CTNNA2: variants seen among roughly 807,000 people sequenced by gnomAD.
The protein encoded by CTNNA2 is catenin alpha-2.
Under a neutral mutation model 101.0 loss-of-function variants are expected in CTNNA2, and 42 were observed. The observed-to-expected ratio is 0.42, with a 90% confidence interval of 0.32 to 0.54. CTNNA2 has a LOEUF of 0.54. CTNNA2 is among the 20% of genes least tolerant of loss of function. The pLI is 0.14. For missense variants in CTNNA2, 871 were observed against 1,223.1 expected, an observed-to-expected ratio of 0.71 and a Z score of 4.29; for synonymous variants, 450 against 456.4, an observed-to-expected ratio of 0.99 and a Z score of 0.18.
chr2:80,429,342 G>A (rs1681277990), intron 9 of CTNNA2, among the ~76,000 whole-genome samples: 1 of 152,134 alleles, frequency 6.6e-6, no homozygotes, highest in Non-Finnish European at 1.5e-5. Context: ...TTACAGATGA[G>A]AAACCTGAGG....
At chr2:79,855,179 A>G (rs58506691) in intron 3 of CTNNA2, among the ~76,000 whole-genome samples, 7,061 of 152,140 alleles carry the variant, frequency 0.046, 303 homozygotes, top group East Asian at 0.14. Flanking sequence ...GGCATTTTCT[A>G]ATGTGGGTCT....
intron 7 of CTNNA2, among the ~76,000 whole-genome samples, chr2:79,911,932 A>G (rs1459766541): frequency 6.6e-6 from 1 of 152,234 alleles, no homozygotes; most frequent in African/African-American, 2.4e-5. Flanking sequence ...TTATTTTGAT[A>G]TAGCATGTAT....
chr2:80,236,626 A>G (rs1709565071), intron 7 of CTNNA2, among the ~76,000 whole-genome samples: 1 of 152,256 alleles, frequency 6.6e-6, no homozygotes, highest in African/African-American at 2.4e-5. Context: ...AAATGGATTC[A>G]GTGAACAACT....
At chr2:80,255,285 A>G (rs888454095) in intron 7 of CTNNA2, among the ~76,000 whole-genome samples, 2 of 152,160 alleles carry the variant, frequency 1.3e-5, no homozygotes, top group African/African-American at 4.8e-5. Flanking sequence ...TAAGAACAGA[A>G]CGTGTGATTA....
intron 7 of CTNNA2, among the ~76,000 whole-genome samples, chr2:80,157,548 T>G (rs1369641258): frequency 1.3e-5 from 2 of 152,144 alleles, no homozygotes; most frequent in Non-Finnish European, 1.5e-5. Context: ...CATTTTTTTG[T>G]TTATCAAAAC....
chr2:80,282,259 GTTAT>G (rs1674440887), intron 7 of CTNNA2, among the ~76,000 whole-genome samples: 2 of 149,764 alleles, frequency 1.3e-5, no homozygotes. Context: ...TTATTTAAAT[GTTAT>G]TTATTTGCTG....
chr2:80,109,694 G>C (rs946710861), intron 7 of CTNNA2, among the ~76,000 whole-genome samples: 2 of 152,144 alleles, frequency 1.3e-5, no homozygotes, highest in African/African-American at 4.8e-5. Context: ...TGTATGTCAA[G>C]TTTTTCTGTG....
chr2:80,494,202 G>A (rs935564546), intron 9 of CTNNA2, among the ~76,000 whole-genome samples: 2 of 152,158 alleles, frequency 1.3e-5, no homozygotes, highest in Non-Finnish European at 2.9e-5. Context: ...CATAAGGAGT[G>A]TATTTTGGAA....
chr2:79,609,772 T>C (rs1366556932), intron 1 of CTNNA2, among the ~76,000 whole-genome samples: 1 of 152,128 alleles, frequency 6.6e-6, no homozygotes, highest in East Asian at 1.9e-4. Context: ...CTTCAATCCA[T>C]AACTTACATC....
At chr2:79,927,286 A>G (rs765429111) in intron 7 of CTNNA2, among the ~76,000 whole-genome samples, 1 of 152,186 alleles carries the variant, frequency 6.6e-6, no homozygotes, top group South Asian at 2.1e-4. Context: ...TGGTGTTATC[A>G]TGATCATATT....
At chr2:79,587,123 T>C (rs1057220152) in intron 1 of CTNNA2, among the ~76,000 whole-genome samples, 2 of 152,208 alleles carry the variant, frequency 1.3e-5, no homozygotes, top group African/African-American at 4.8e-5. Context: ...TGTGCTGCTA[T>C]AAACGTGTGT....
At chr2:80,496,771 TTGAATTTATAATCG>T (rs1687509454) in intron 9 of CTNNA2, among the ~76,000 whole-genome samples, 1 of 152,236 alleles carries the variant, frequency 6.6e-6, no homozygotes, top group Admixed American at 6.5e-5. Context: ...GCTCAAACAA[TTGAATTTATAATCG>T]TTGCATTCAT....
intron 1 of CTNNA2, among the ~76,000 whole-genome samples, chr2:79,549,309 A>G (rs1302273078): frequency 6.6e-6 from 1 of 152,224 alleles, no homozygotes; most frequent in Admixed American, 6.5e-5. Context: ...CTCTTAGCAC[A>G]TGGGTCGGGG....
intron 4 of CTNNA2, among the ~76,000 whole-genome samples, chr2:79,499,823 C>A (rs1021619351): frequency 2.0e-5 from 3 of 152,154 alleles, no homozygotes; most frequent in Non-Finnish European, 4.4e-5. Context: ...GAAACAGAAC[C>A]AATATGATTT....
chr2:80,648,760 AAT>A lies in CTNNA2; in HGVS notation c.*890_*891del, dbSNP rs568712531. ...CCATTGTATTCACTAACTAACTCAAAATAAACACATTTAATCTTGACATCTCA... is the reference window on the plus strand; with the variant it reads ...CCATTGTATTCACTAACTAACTCAAAAAACACATTTAATCTTGACATCTCA... On this transcript the variant is annotated 3_prime_UTR_variant, in exon 19 of 19. Coordinates refer to ENST00000402739, the MANE Select transcript of CTNNA2 (RefSeq NM_001282597.3). 5.3e-5 allele frequency: 8 copies of A among 152,180 alleles called. No homozygotes were observed. Among genetic ancestry groups the A allele is most frequent in the Non-Finnish European group, 1.0e-4 (7 of 67,990 alleles). The allele number at this position is 152,180 out of a possible 1,614,324, so 9.4% of individuals were successfully genotyped here. A position where few individuals can be genotyped will look rare whatever the true frequency, so the allele number is the denominator to read the frequency against.
intron 17 of CTNNA2, chr2:80,616,318 A>G (rs928256207): frequency 1.3e-5 from 2 of 151,686 alleles, no homozygotes; most frequent in African/African-American, 4.8e-5. Flanking sequence ...AGAACTTCCA[A>G]TTTGAATCTG....
At chr2:80,446,356 A>G (rs904325527) in intron 9 of CTNNA2, among the ~76,000 whole-genome samples, 6 of 152,234 alleles carry the variant, frequency 3.9e-5, no homozygotes, top group Middle Eastern at 3.2e-3. Context: ...TACCACACAT[A>G]GAAACACACT....
intron 18 of CTNNA2, among the ~76,000 whole-genome samples, chr2:80,640,304 C>T (rs1400016584): frequency 6.6e-6 from 1 of 152,130 alleles, no homozygotes; most frequent in African/African-American, 2.4e-5. Flanking sequence ...CACTACTTAG[C>T]AGATTCTGAA....
intron 7 of CTNNA2, among the ~76,000 whole-genome samples, chr2:79,974,321 C>T (rs1432558487): frequency 6.6e-6 from 1 of 152,014 alleles, no homozygotes; most frequent in Non-Finnish European, 1.5e-5. Context: ...ATGCTAATTG[C>T]CCTGTAGAAG....
Sources: gnomAD v4.1 joint callset for allele counts (sites outside exome capture counted in the v4.1 genomes callset) on GRCh38, gnomAD v4.1.1 for gene constraint, MANE v1.5 for transcripts, NCBI Gene and HGNC (gene_info 2026-07-23, HGNC 2026-07-21) for gene names.